SLC26A7: variants seen among roughly 807,000 people sequenced by gnomAD.
The protein encoded by SLC26A7 is solute carrier family 26 member 7.
A neutral mutation model predicts 82.5 loss-of-function variants in SLC26A7; 59 were observed. The observed-to-expected ratio is 0.72, with a 90% CI of 0.58 to 0.89. SLC26A7 has a LOEUF of 0.89. Among genes scored for constraint, SLC26A7 ranks in the 40% least tolerant of loss-of-function variants. The pLI is 0.00. For synonymous variants in SLC26A7, 271 were observed against 274.3 expected (o/e 0.99, Z 0.12); for missense variants, 820 against 793.0 (o/e 1.03, Z -0.41).
chr8:91,212,016 G>A (rs1241727405), intron 1 of SLC26A7, among the ~76,000 whole-genome samples: 1 of 152,044 alleles, frequency 6.6e-6, no homozygotes, highest in Non-Finnish European at 1.5e-5. Flanking sequence ...TATCAATCTT[G>A]ATCATAATTA....
At chr8:91,302,151 G>T (rs1053613371) in intron 4 of SLC26A7, among the ~76,000 whole-genome samples, 5 of 151,880 alleles carry the variant, frequency 3.3e-5, no homozygotes, top group African/African-American at 1.2e-4. Flanking sequence ...TGTTTCATGA[G>T]CACTTGAGAA....
chr8:91,322,074 C>T (rs571422738), intron 5 of SLC26A7, among the ~76,000 whole-genome samples: 3 of 152,062 alleles, frequency 2.0e-5, no homozygotes, highest in African/African-American at 7.2e-5. Context: ...GTAATAGATA[C>T]TAATGCTTTT....
chr8:91,263,741 C>T (rs1366444743), intron 2 of SLC26A7, among the ~76,000 whole-genome samples: 1 of 151,964 alleles, frequency 6.6e-6, no homozygotes, highest in Non-Finnish European at 1.5e-5. Context: ...CTTATGTGAT[C>T]CTGTAACTTC....
chr8:91,360,539 G>A (rs1814021345), intron 11 of SLC26A7, among the ~76,000 whole-genome samples: 1 of 152,232 alleles, frequency 6.6e-6, no homozygotes, highest in South Asian at 2.1e-4. Context: ...AGCTATAAAT[G>A]TAGCCCCAGG....
intron 18 of SLC26A7, chr8:91,394,325 G>T: frequency 6.2e-7 from 1 of 1,608,840 alleles, no homozygotes; most frequent in Non-Finnish European, 8.5e-7. Context: ...TACAACAAAT[G>T]CTTCTTCCAG....
rs1263087877 is a variant in SLC26A7 at position 91,396,652 on chromosome 8, A to G, written c.*1555A>G. 1 of 152,062 alleles carries G rather than the reference A, an allele frequency of 6.6e-6. No homozygotes were observed. The highest frequency in any genetic ancestry group is 1.5e-5 in the Non-Finnish European group (1 of 67,908). The allele number at this position is 152,062 out of a possible 1,614,324, so 9.4% of individuals were successfully genotyped here. A position where few individuals can be genotyped will look rare whatever the true frequency, so the allele number is the denominator to read the frequency against. ...ACTACAAAGAATAGTGTTTGTCCCT[A>G]TGGTAGCCTCAGTCTCTTTATCACT... On this transcript the variant is annotated 3_prime_UTR_variant, in exon 19 of 19. Transcript: ENST00000276609.
At chr8:91,264,828 A>C (rs1811065928) in intron 2 of SLC26A7, among the ~76,000 whole-genome samples, 1 of 152,070 alleles carries the variant, frequency 6.6e-6, no homozygotes, top group African/African-American at 2.4e-5. Context: ...ATAAACATTG[A>C]ATAATGATCA....
In SLC26A7 at chr8:91,318,268, C is replaced by T. The variant is rs748779061; in HGVS notation, c.530C>T (p.Pro177Leu). ...AGTGCCACATTTGTGGTCACAGAGC[C>T]TGTGATCAGCGCAATGACAACTGGG... ...LGSATFVVTE[P>L]VISAMTTGAA... Residue 177 changes from proline to leucine, a missense_variant, in exon 5 of 19, where the codon CCT becomes CTT. Coordinates refer to ENST00000276609, the MANE Select transcript of SLC26A7 (RefSeq NM_052832.4). 6.2e-7 allele frequency: 1 copy of T among 1,610,328 alleles called. No individual in the cohort carries two copies. Among genetic ancestry groups the T allele is most frequent in the Non-Finnish European group, 8.5e-7 (1 of 1,177,972 alleles).
In SLC26A7 at chr8:91,345,552, A is replaced by C. The variant is rs141383187; in HGVS notation, c.1140+2086A>C. On this transcript the variant is annotated intron_variant, in intron 9 of 18. Transcript: ENST00000276609. ...AAAAATGATCATTGATTTTATTATT[A>C]CTATTGTTATTTAGAAAATAATTAA... Among the ~76,000 whole-genome samples, 5 of 152,314 alleles carry C rather than the reference A, an allele frequency of 3.3e-5. No individual in the cohort carries two copies. The East Asian group carries it at 9.6e-4, about 29-fold the overall frequency.
chr8:91,379,669 T>C (rs1245581489), intron 15 of SLC26A7, among the ~76,000 whole-genome samples: 1 of 152,004 alleles, frequency 6.6e-6, no homozygotes, highest in Non-Finnish European at 1.5e-5. Context: ...GGTAGATCAA[T>C]CTCAATATAG....
chr8:91,383,098 T>C (rs548990491), intron 15 of SLC26A7, among the ~76,000 whole-genome samples: 32 of 152,228 alleles, frequency 2.1e-4, no homozygotes, highest in Non-Finnish European at 4.1e-4. Flanking sequence ...GCAAGAATGA[T>C]AGGGCAATAA....
intron 4 of SLC26A7, among the ~76,000 whole-genome samples, chr8:91,306,222 A>G (rs1812302481): frequency 6.6e-6 from 1 of 152,102 alleles, no homozygotes; most frequent in Admixed American, 6.6e-5. Context: ...CAAGTTAACA[A>G]TTTTAACCCT....
chr8:91,394,981 GTTACTACTGTTC>G, intron 18 of SLC26A7, 69 bp from the exon 19 acceptor site: 1 of 1,486,114 alleles, frequency 6.7e-7, no homozygotes, highest in East Asian at 2.3e-5. Flanking sequence ...GCTTGCTTCA[GTTACTACTGTTC>G]TTTTACTTTG....
At chr8:91,346,345 A>G (rs1813563280) in intron 9 of SLC26A7, among the ~76,000 whole-genome samples, 1 of 152,162 alleles carries the variant, frequency 6.6e-6, no homozygotes, top group Non-Finnish European at 1.5e-5. Context: ...GATAACTGAC[A>G]TGGTTCCGAG....
intron 2 of SLC26A7, among the ~76,000 whole-genome samples, chr8:91,284,683 G>A (rs541099163): frequency 6.6e-6 from 1 of 152,258 alleles, no homozygotes; most frequent in South Asian, 2.1e-4. Context: ...TGAGTATTAA[G>A]CAAGCAGTTC....
intron 11 of SLC26A7, among the ~76,000 whole-genome samples, chr8:91,353,272 A>G (rs1446212744): frequency 6.6e-6 from 1 of 152,136 alleles, no homozygotes; most frequent in African/African-American, 2.4e-5. Flanking sequence ...GGGATGCCCA[A>G]TTTACAATAT....
At chr8:91,290,678 T>G (rs1002529250) in intron 3 of SLC26A7, among the ~76,000 whole-genome samples, 12 of 152,258 alleles carry the variant, frequency 7.9e-5, no homozygotes, top group Non-Finnish European at 1.6e-4. Context: ...TAATTTCATC[T>G]GCAATGTTAA....
intron 11 of SLC26A7, among the ~76,000 whole-genome samples, chr8:91,356,513 T>G (rs1453514922): frequency 6.6e-6 from 1 of 152,244 alleles, no homozygotes; most frequent in East Asian, 1.9e-4. Flanking sequence ...GTTTTTTGGC[T>G]GCATAAATGT....
chr8:91,261,984 C>A (rs1353190254), intron 2 of SLC26A7, among the ~76,000 whole-genome samples: 1 of 151,980 alleles, frequency 6.6e-6, no homozygotes, highest in African/African-American at 2.4e-5. Flanking sequence ...TAAAACGTAC[C>A]ATTGGACGTG....
Sources: allele counts gnomAD v4.1 joint callset (sites outside exome capture counted in the v4.1 genomes callset), GRCh38; gene constraint gnomAD v4.1.1; transcripts MANE v1.5; gene names NCBI Gene and HGNC (gene_info 2026-07-23, HGNC 2026-07-21).